The following RANGAP1 variants were observed in gnomAD, a reference collection of about 807,000 sequenced individuals.
The protein encoded by RANGAP1 is ran GTPase-activating protein 1.
RANGAP1 carries 38 observed loss-of-function variants against 63.5 expected under a neutral mutation model. The observed-to-expected ratio is 0.60, with a 90% CI of 0.46 to 0.78. The LOEUF (loss-of-function observed/expected upper bound fraction) is 0.78. RANGAP1 is among the 30% of genes least tolerant of loss of function. The pLI is 0.00. For synonymous variants in RANGAP1, 329 were observed against 310.5 expected (o/e 1.06, Z -0.63); for missense variants, 630 against 740.3 (o/e 0.85, Z 1.73).
rs1434951275 is a variant in RANGAP1 at position 41,246,188 on chromosome 22, G to C, written c.*415C>G. On this transcript the variant is annotated 3_prime_UTR_variant, in exon 16 of 16. Coordinates refer to ENST00000356244, the MANE Select transcript of RANGAP1 (RefSeq NM_002883.4). Reference sequence around the variant, plus strand: ...ACCCAATCACAACACAGAGGGGAAGGACAGCACGCGGGCAACTCCCTGGGT... The same window carrying C: ...ACCCAATCACAACACAGAGGGGAAGCACAGCACGCGGGCAACTCCCTGGGT... 5.0e-6 allele frequency: 1 copy of C among 201,972 alleles called. No individual in the cohort carries two copies. The highest frequency in any genetic ancestry group is 2.3e-5 in the African/African-American group (1 of 42,962). 12.5% of individuals were successfully genotyped at this position (201,972 alleles called of 1,614,324 possible).
chr22:41,259,255 G>A (rs952729602), intron 6 of RANGAP1, among the ~76,000 whole-genome samples: 3 of 152,094 alleles, frequency 2.0e-5, no homozygotes, highest in Non-Finnish European at 2.9e-5. Flanking sequence ...GGAATCTTCT[G>A]CTGTCTTCAG....
At chr22:41,283,021 G>C (rs937970767) in intron 1 of RANGAP1, among the ~76,000 whole-genome samples, 1 of 152,058 alleles carries the variant, frequency 6.6e-6, no homozygotes, top group Non-Finnish European at 1.5e-5. Context: ...ACCCTGGTTT[G>C]TCTGCCTTTA....
chr22:41,301,285 G>A, the RANGAP1 span, among the ~76,000 whole-genome samples: 1 of 151,920 alleles, frequency 6.6e-6, no homozygotes, highest in Non-Finnish European at 1.5e-5. Flanking sequence ...CGCTGGGTTT[G>A]AGCAGCATCA....
chr22:41,272,326 C>G (rs990800885), intron 3 of RANGAP1, among the ~76,000 whole-genome samples: 2 of 152,148 alleles, frequency 1.3e-5, no homozygotes, highest in Non-Finnish European at 2.9e-5. Flanking sequence ...CAATCACTGT[C>G]TTGGTGGTTA....
chr22:41,258,203 T>G, intron 6 of RANGAP1, 97 bp from the exon 7 acceptor site: 4 of 1,382,614 alleles, frequency 2.9e-6, no homozygotes, highest in Middle Eastern at 3.8e-4. Flanking sequence ...AGGAATGGGC[T>G]GCCGCCAGCA....
intron 3 of RANGAP1, among the ~76,000 whole-genome samples, chr22:41,273,919 C>CA (rs932713554): frequency 6.7e-6 from 1 of 150,300 alleles, no homozygotes; most frequent in Admixed American, 6.7e-5. Context: ...ACTAAAAATA[C>CA]AAAAAAAAAT....
rs71200678 is a variant in RANGAP1 at position 41,273,766 on chromosome 22, C to CAAAAAA, written c.240+828_240+833dup. On this transcript the variant is annotated intron_variant, in intron 3 of 15. Transcript: ENST00000356244. ...CGGGTGACAGTGTGAGACTCCATCTCAAAAAAAAAAAAAAAAAAAAAAAAA... is the reference window on the plus strand; with the variant it reads ...CGGGTGACAGTGTGAGACTCCATCTCAAAAAAAAAAAAAAAAAAAAAAAAAAAAAAA... 9.0e-4 allele frequency among the ~76,000 whole-genome samples: 22 copies of CAAAAAA among 24,356 alleles called. 5 individuals are homozygous for CAAAAAA. The highest frequency in any genetic ancestry group is 3.0e-3 in the African/African-American group (19 of 6,364). 16.0% of individuals were successfully genotyped at this position (24,356 alleles called of 152,430 possible). A position where few individuals can be genotyped will look rare whatever the true frequency, so the allele number is the denominator to read the frequency against.
chr22:41,258,520 C>T, intron 6 of RANGAP1, among the ~76,000 whole-genome samples: 1 of 152,234 alleles, frequency 6.6e-6, no homozygotes, highest in East Asian at 1.9e-4. Flanking sequence ...GCCCACCCAC[C>T]TACACAACAT....
chr22:41,268,722 C>T (rs1019358980), intron 3 of RANGAP1, among the ~76,000 whole-genome samples: 2 of 152,044 alleles, frequency 1.3e-5, no homozygotes, highest in Non-Finnish European at 2.9e-5. Flanking sequence ...GGACGTGTGA[C>T]GTGGTTATGG....
upstream of RANGAP1, among the ~76,000 whole-genome samples, chr22:41,290,806 C>A (rs2035830059): frequency 6.6e-6 from 1 of 152,172 alleles, no homozygotes; most frequent in East Asian, 1.9e-4. Flanking sequence ...TTCCTGAAAA[C>A]AGACCAAGGC....
intron 4 of RANGAP1, among the ~76,000 whole-genome samples, chr22:41,265,120 A>G (rs997335849): frequency 4.6e-5 from 7 of 152,228 alleles, no homozygotes; most frequent in Non-Finnish European, 7.3e-5. Flanking sequence ...GCTAGTCAAC[A>G]TGAAAAGACT....
At chr22:41,297,500 T>C in the RANGAP1 span, among the ~76,000 whole-genome samples, 67 of 151,622 alleles carry the variant, frequency 4.4e-4, no homozygotes, top group Non-Finnish European at 7.2e-4. Flanking sequence ...ACCCTTTCAG[T>C]TGGGTACAGT....
chr22:41,264,421 A>T (rs1348986123), intron 5 of RANGAP1, among the ~76,000 whole-genome samples: 2 of 152,242 alleles, frequency 1.3e-5, no homozygotes, highest in Non-Finnish European at 1.5e-5. Flanking sequence ...AGGCTGGAGC[A>T]GGTATGCAGT....
intron 6 of RANGAP1, among the ~76,000 whole-genome samples, chr22:41,258,694 G>A (rs749722268): frequency 4.6e-5 from 7 of 151,034 alleles, no homozygotes; most frequent in Non-Finnish European, 1.0e-4. Context: ...TCGTTCCGTC[G>A]CCCAGGCTGG....
chr22:41,249,631 G>T, intron 14 of RANGAP1, 98 bp downstream of exon 14: 1 of 1,532,298 alleles, frequency 6.5e-7, no homozygotes. Flanking sequence ...AGCCGGCTCA[G>T]GACTCGAGGT....
At chr22:41,282,289 G>A (rs1281530868) in intron 1 of RANGAP1, 3 of 152,182 alleles carry the variant, frequency 2.0e-5, no homozygotes, top group Non-Finnish European at 4.4e-5. Context: ...AACAGCGGGA[G>A]GCTCTATCTC....
At chr22:41,256,668 C>T in intron 8 of RANGAP1, 43 bp downstream of exon 8, 1 of 1,574,920 alleles carries the variant, frequency 6.3e-7, no homozygotes, top group Non-Finnish European at 8.7e-7. Context: ...GCCCCACCAC[C>T]CACAGACCCC....
chr22:41,280,666 G>T, intron 2 of RANGAP1: 1 of 1,394,622 alleles, frequency 7.2e-7, no homozygotes, highest in Non-Finnish European at 9.5e-7. Flanking sequence ...ACTAACTGTG[G>T]CCCCTCATTA....
upstream of RANGAP1, among the ~76,000 whole-genome samples, chr22:41,288,473 G>C (rs773303951): frequency 3.3e-5 from 5 of 152,308 alleles, no homozygotes; most frequent in Non-Finnish European, 5.9e-5. Context: ...CCGGATGTTT[G>C]CTTAAAATGA....
Sources: allele counts gnomAD v4.1 joint callset (sites outside exome capture counted in the v4.1 genomes callset), GRCh38; gene constraint gnomAD v4.1.1; transcripts MANE v1.5; gene names NCBI Gene and HGNC (gene_info 2026-07-23, HGNC 2026-07-21).